AMPD2: variants seen among roughly 807,000 people sequenced by gnomAD.
AMPD2 encodes the protein AMP deaminase 2.
Under a neutral mutation model 91.3 loss-of-function variants are expected in AMPD2, and 52 were observed. That is an observed-to-expected ratio of 0.57 (90% CI 0.46 to 0.72). The LOEUF is 0.72. AMPD2 is among the 30% of genes least tolerant of loss of function. The pLI, the probability that AMPD2 is intolerant of heterozygous loss-of-function variation, is 0.00. For missense variants in AMPD2, 822 were observed against 1,122.3 expected (o/e 0.73, Z 3.82); for synonymous variants, 455 against 456.4 (o/e 1.00, Z 0.04).
At chr1:109,622,230 C>T (rs1426114587) in intron 2 of AMPD2, 1 of 456,170 alleles carries the variant, frequency 2.2e-6, no homozygotes, top group African/African-American at 2.0e-5. Flanking sequence ...TTCTCTGTGC[C>T]CAGGTCTGTG....
Position 109,630,767 on chromosome 1 carries a change from G to A in AMPD2, c.2242G>A (p.Val748Met), listed in dbSNP as rs1476269181. Reference sequence around the variant, plus strand: ...TATGTGTGAGCTGGCCCGCAACAGCGTGCTCATGAGCGGCTTCTCGCACAA... The same window carrying A: ...TATGTGTGAGCTGGCCCGCAACAGCATGCTCATGAGCGGCTTCTCGCACAA... Reference protein sequence around the residue: ...CDMCELARNSVLMSGFSHKVK... With the variant: ...CDMCELARNSMLMSGFSHKVK... The change falls in exon 18 of 19, where the codon GTG becomes ATG. Residue 748 changes from valine (V) to methionine (M), a missense_variant. By Grantham distance (21) the Val-to-Met change is conservative. Transcript: ENST00000528667. The A allele has an allele frequency of 6.2e-7, 1 of 1,610,838 alleles. No homozygotes were observed.
chr1:109,630,896 C>T (rs762610069), intron 18 of AMPD2, 47 bp from the exon 19 acceptor site: 2 of 1,607,946 alleles, frequency 1.2e-6, no homozygotes, highest in Non-Finnish European at 8.5e-7. Flanking sequence ...GGGGCATGAC[C>T]CCTCAGCACT....
Position 109,629,904 on chromosome 1 carries a change from C to A in AMPD2, c.1971C>A (p.Leu657=). 1.2e-6 allele frequency: 2 copies of A among 1,608,818 alleles called. No individual in the cohort carries two copies. Among genetic ancestry groups the A allele is most frequent in the East Asian group, 4.5e-5 (2 of 44,790 alleles). The change falls in exon 16 of 19, where the codon CTC becomes CTA. Residue 657 remains leucine, a synonymous_variant. Transcript: ENST00000528667. The part of the protein sequence containing the change: ...FMLAENISHG[L]LLRKAPVLQY... ...TGGCTGAGAACATTTCCCACGGGCT[C>A]CTTCTGCGCAAGGTCAGGATCTGCA...
chr1:109,629,732 AG>A, intron 15 of AMPD2, 63 bp from the exon 16 acceptor site: 1 of 1,532,542 alleles, frequency 6.5e-7, no homozygotes. Context: ...GGTGGGGGTC[AG>A]GGGCTCCGGT....
intron 2 of AMPD2, 77 bp downstream of exon 2, chr1:109,621,343 T>A (rs1381827686): frequency 6.8e-7 from 1 of 1,461,430 alleles, no homozygotes; most frequent in Non-Finnish European, 9.4e-7. Flanking sequence ...GCTGGTCCCC[T>A]CAGAGGGGGC....
intron 2 of AMPD2, 165 bp downstream of exon 2, chr1:109,621,431 A>AGGGTGG: frequency 8.8e-6 from 1 of 113,368 alleles, no homozygotes; most frequent in Non-Finnish European, 1.8e-5. Context: ...AGGTGGGGTG[A>AGGGTGG]GGGGTGGTGG....
rs1651249183 is a variant in AMPD2, at chr1:109,631,270, G to A, written c.*118G>A. ...ATTCTTCTCTGTCTCTGTCTTGCAT[G>A]TCTCCTACCATGTCACTGTCCCTGG... On this transcript the variant is annotated 3_prime_UTR_variant, in exon 19 of 19. Coordinates refer to ENST00000528667, the MANE Select transcript of AMPD2 (RefSeq NM_001368809.2). 5 of 1,048,806 alleles carry A rather than the reference G, an allele frequency of 4.8e-6. No homozygotes were observed. Among genetic ancestry groups the A allele is most frequent in the Non-Finnish European group, 7.1e-6 (5 of 704,346 alleles). 65.0% of individuals were successfully genotyped at this position (1,048,806 alleles called of 1,614,324 possible). A position where few individuals can be genotyped will look rare whatever the true frequency, so the allele number is the denominator to read the frequency against.
rs1429678874 is a variant in AMPD2 at position 109,628,306 on chromosome 1, C to T, written c.1275+29C>T. 2 of 1,612,776 alleles carry T rather than the reference C, an allele frequency of 1.2e-6. No homozygotes were observed. Among genetic ancestry groups the T allele is most frequent in the African/African-American group, 2.7e-5 (2 of 74,902 alleles). On this transcript the variant is annotated intron_variant, in intron 11 of 18. Transcript: ENST00000528667. The surrounding 1 kb of genome is among the most constrained non-coding windows in gnomAD (Gnocchi z 7.1). ...TGTGCCAGTGGCGTGGGCTGTGGGA[C>T]TGAGTCAGTCAGGGGACCAGGAGTC...
Position 109,630,867 on chromosome 1 carries a change from C to G in AMPD2, c.2268+74C>G, listed in dbSNP as rs1206902606. The G allele has an allele frequency of 2.1e-5, 33 of 1,599,254 alleles. 1 individual carries two copies. In the Admixed American group the frequency reaches 5.5e-4, roughly 27 times the overall value. Reference sequence around the variant, plus strand: ...CTCTGCATTTGGGGTCCTGACCTGTCCCTGGGATGGCTTGGGGTGGGGCAT... The same window carrying G: ...CTCTGCATTTGGGGTCCTGACCTGTGCCTGGGATGGCTTGGGGTGGGGCAT... On this transcript the variant is annotated intron_variant, in intron 18 of 18. Coordinates refer to ENST00000528667, the MANE Select transcript of AMPD2 (RefSeq NM_001368809.2).
Position 109,630,612 on chromosome 1 carries a change from A to G in AMPD2, c.2158-71A>G, listed in dbSNP as rs1310412308. ...GGGGCGGGGGTGGGGAGAGTGAGTG[A>G]GGAGGCTGGGGAAGGGAGGCAGGGG... On this transcript the variant is annotated intron_variant, in intron 17 of 18. Transcript: ENST00000528667. 9 of 1,339,562 alleles carry G rather than the reference A, an allele frequency of 6.7e-6. No homozygotes were observed. The African/African-American group carries it at 7.3e-5, about 11-fold the overall frequency. 83.0% of individuals were successfully genotyped at this position (1,339,562 alleles called of 1,614,324 possible). A position where few individuals can be genotyped will look rare whatever the true frequency, so the allele number is the denominator to read the frequency against.
At chr1:109,626,251 G>C (rs756105491) in intron 5 of AMPD2, 23 bp downstream of exon 5, 5 of 1,613,486 alleles carry the variant, frequency 3.1e-6, no homozygotes, top group Non-Finnish European at 4.2e-6. Flanking sequence ...GAGGGGCACA[G>C]GGGATGCGGA....
chr1:109,630,825 G>T, intron 18 of AMPD2, 32 bp downstream of exon 18: 1 of 1,594,740 alleles, frequency 6.3e-7, no homozygotes. Flanking sequence ...CCTTGGCATG[G>T]CATCACTCCT....
chr1:109,627,401 TCCTCACCCAA>T lies in AMPD2; in HGVS notation c.861-27_861-18del, dbSNP rs1307070108. Reference sequence around the variant, plus strand: ...AGAGGCCACAGGGCTCGGCTTGCTCTCCTCACCCAAGCTCCCCTCCATGCCAGTTGCTCAG... The same window carrying T: ...AGAGGCCACAGGGCTCGGCTTGCTCTGCTCCCCTCCATGCCAGTTGCTCAG... On this transcript the variant is annotated intron_variant, in intron 8 of 18. Coordinates refer to ENST00000528667, the MANE Select transcript of AMPD2 (RefSeq NM_001368809.2). 4 of 1,613,906 alleles carry T rather than the reference TCCTCACCCAA, an allele frequency of 2.5e-6. No homozygotes were observed. In the African/African-American group the frequency reaches 5.3e-5, roughly 22 times the overall value.
chr1:109,626,200 C>T lies in AMPD2; in HGVS notation c.394C>T (p.Leu132=). 6.2e-7 allele frequency: 1 copy of T among 1,614,194 alleles called. No homozygotes were observed. Among genetic ancestry groups the T allele is most frequent in the Non-Finnish European group, 8.5e-7 (1 of 1,180,044 alleles). The change falls in exon 5 of 19, where the codon CTG becomes TTG. Residue 132 remains leucine (L), a synonymous_variant. Transcript: ENST00000528667. ...CCTGCTTCGGGCCAAGCAAGATTTC[C>T]TGAAGACGGACAGTGACTCGGACCT... ...DILLRAKQDF[L]KTDSDSDLQL...
Position 109,625,297 on chromosome 1 carries a change from C to T in AMPD2, c.92-6C>T. 6.2e-7 allele frequency: 1 copy of T among 1,612,822 alleles called. No individual in the cohort carries two copies. Among genetic ancestry groups the T allele is most frequent in the Non-Finnish European group, 8.5e-7 (1 of 1,179,538 alleles). ...CCCTTTGACCCTGGCATCACTGTCT[C>T]TGCAGAGGCTCGGGGTGGTCTGGGG... On this transcript the variant is annotated splice_region_variant and splice_polypyrimidine_tract_variant and intron_variant, in intron 2 of 18. Coordinates refer to ENST00000528667, the MANE Select transcript of AMPD2 (RefSeq NM_001368809.2). The surrounding 1 kb of genome is among the most constrained non-coding windows in gnomAD (Gnocchi z 4.0).
rs1024370913 is a variant in AMPD2 at position 109,625,622 on chromosome 1, C to T, written c.223-40C>T. On this transcript the variant is annotated intron_variant, in intron 3 of 18. Coordinates refer to ENST00000528667, the MANE Select transcript of AMPD2 (RefSeq NM_001368809.2). The surrounding 1 kb of genome is among the most constrained non-coding windows in gnomAD (Gnocchi z 4.0). ...GACTCTGTAGGAGAGTGCCCGAGGGCGGAGGGCCAGCCATGCTGACCTTCC... is the reference window on the plus strand; with the variant it reads ...GACTCTGTAGGAGAGTGCCCGAGGGTGGAGGGCCAGCCATGCTGACCTTCC... 3.1e-6 allele frequency: 5 copies of T among 1,609,376 alleles called. No homozygotes were observed. Among genetic ancestry groups the T allele is most frequent in the Non-Finnish European group, 3.4e-6 (4 of 1,176,564 alleles).
intron 8 of AMPD2, 40 bp downstream of exon 8, chr1:109,627,356 G>A (rs1650791863): frequency 1.9e-6 from 3 of 1,611,628 alleles, no homozygotes; most frequent in East Asian, 4.5e-5. Context: ...ATGCAGCGTG[G>A]GAGGTTGCGT....
At chr1:109,630,499 G>T (rs1027688801) in intron 17 of AMPD2, 93 bp downstream of exon 17, 2 of 1,344,672 alleles carry the variant, frequency 1.5e-6, no homozygotes, top group African/African-American at 1.5e-5. Flanking sequence ...GCGGTCTCTC[G>T]GGTTGGTGCT....
Position 109,631,114 on chromosome 1 carries a change from G to A in AMPD2, c.2440G>A (p.Glu814Lys), listed in dbSNP as rs1013238160. Reference sequence around the variant, plus strand: ...GAGTGAGATGCTGGAGACCATTCCAGAGGAGGCGGGTATCACCATGAGCCC... The same window carrying A: ...GAGTGAGATGCTGGAGACCATTCCAAAGGAGGCGGGTATCACCATGAGCCC... ...VQSEMLETIP[E>K]EAGITMSPGP... The change falls in exon 19 of 19, where the codon GAG (glutamate) becomes AAG (lysine). Residue 814 changes from glutamate (E) to lysine (K), a missense_variant. Glu to Lys is a moderately conservative substitution (Grantham distance 56, BLOSUM62 1). Around this residue, in one of 5 missense-constraint regions of AMPD2, gnomAD observed 430 missense variants for 606.0 expected, o/e 0.71. Coordinates refer to ENST00000528667, the MANE Select transcript of AMPD2 (RefSeq NM_001368809.2). 1 of 1,601,932 alleles carries A rather than the reference G, an allele frequency of 6.2e-7. No homozygotes were observed. The highest frequency in any genetic ancestry group is 1.7e-5 in the Admixed American group (1 of 57,274).
Sources: gnomAD v4.1 joint callset for allele counts on GRCh38, gnomAD v4.1.1 for gene constraint, gnomAD v4.1.1 regional missense constraint, Gnocchi (gnomAD v3.1) non-coding constraint, MANE v1.5 for transcripts, NCBI Gene and HGNC (gene_info 2026-07-23, HGNC 2026-07-21) for gene names.